The following LPA variants were observed in gnomAD, a reference collection of about 807,000 sequenced individuals.
LPA encodes the protein apolipoprotein(a).
A neutral mutation model predicts 197.9 loss-of-function variants in LPA; 199 were observed. That is an observed-to-expected ratio of 1.01 (90% CI 0.90 to 1.13). The LOEUF (loss-of-function observed/expected upper bound fraction) is 1.13, where lower values mean the gene tolerates loss of function less well. Ranked by LOEUF, LPA falls within the 50% of genes most tolerant of loss-of-function variation. The probability of loss-of-function intolerance (pLI) is 0.00; values close to 1 mark genes in which losing one functional copy is unlikely to be tolerated. For missense variants in LPA, 1,853 were observed against 1,785.8 expected, an observed-to-expected ratio of 1.04 and a Z score of -0.68; for synonymous variants, 715 against 639.5, an observed-to-expected ratio of 1.12 and a Z score of -1.78.
At chr6:160,578,784 A>T (rs1778735680) in intron 26 of LPA, 80 bp from the exon 27 acceptor site, 2 of 1,605,256 alleles carry the variant, frequency 1.2e-6, no homozygotes, top group African/African-American at 1.3e-5. Context: ...ATTTTGCTGT[A>T]ACAAAGTGTT....
chr6:160,559,840 T>C (rs758825175), intron 28 of LPA, among the ~76,000 whole-genome samples: 11 of 152,156 alleles, frequency 7.2e-5, no homozygotes, highest in Non-Finnish European at 1.3e-4. Context: ...GTGTAGAATG[T>C]GTGGGTTTGT....
At chr6:160,570,087 A>G (rs910118145) in intron 28 of LPA, among the ~76,000 whole-genome samples, 3 of 152,226 alleles carry the variant, frequency 2.0e-5, no homozygotes, top group African/African-American at 4.8e-5. Flanking sequence ...TGATTCCTCA[A>G]GGATTTAGAA....
intron 30 of LPA, among the ~76,000 whole-genome samples, chr6:160,549,645 A>G (rs1210265068): frequency 6.6e-6 from 1 of 152,186 alleles, no homozygotes. Flanking sequence ...TGTCAATACC[A>G]CTTCAGGTGG....
chr6:160,585,063 T>C lies in LPA; in HGVS notation c.4272A>G (p.Pro1424=). 6.2e-7 allele frequency: 1 copy of C among 1,613,780 alleles called. No individual in the cohort carries two copies. Among genetic ancestry groups the C allele is most frequent in the Non-Finnish European group, 8.5e-7 (1 of 1,179,740 alleles). Residue 1424 remains proline (P), a synonymous_variant, in exon 26 of 39, where the codon CCA becomes CCG. Coordinates refer to ENST00000316300, the MANE Select transcript of LPA (RefSeq NM_005577.4). ...AGACATACGCATTTGGATAGTATAATGGGATCCTCCGATGCCAATGTGGTG... is the reference window on the plus strand; with the variant it reads ...AGACATACGCATTTGGATAGTATAACGGGATCCTCCGATGCCAATGTGGTG... ...SMTPHWHRRI[P]LYYPNAGLTR...
chr6:160,596,833 A>G (rs1779142613), intron 20 of LPA, among the ~76,000 whole-genome samples: 1 of 152,164 alleles, frequency 6.6e-6, no homozygotes, highest in African/African-American at 2.4e-5. Flanking sequence ...AAATTATGTA[A>G]AAGCCTAAAG....
At chr6:160,553,780 G>A (rs765053939) in intron 30 of LPA, among the ~76,000 whole-genome samples, 3 of 152,088 alleles carry the variant, frequency 2.0e-5, no homozygotes, top group Non-Finnish European at 4.4e-5. Context: ...AGCCATCATT[G>A]CTTTGAGTAT....
Position 160,601,005 on chromosome 6 carries a change from G to T in LPA, c.3039C>A (p.Asn1013Lys), listed in dbSNP as rs777394889. 8.7e-6 allele frequency: 14 copies of T among 1,613,934 alleles called. No individual in the cohort carries two copies. Among genetic ancestry groups the T allele is most frequent in the Admixed American group, 1.7e-5 (1 of 60,002 alleles). ...ATTCTGCATCTGAGCATCGTGTCAG[G>T]TTGCAGTACTCCCACCTGACACTGG... Reference protein sequence around the residue: ...TDPSVRWEYCNLTRCSDAEWT... With the variant: ...TDPSVRWEYCKLTRCSDAEWT... The change falls in exon 19 of 39, where the codon AAC (asparagine) becomes AAA (lysine). Residue 1013 changes from asparagine (N) to lysine (K), a missense_variant. Coordinates refer to ENST00000316300, the MANE Select transcript of LPA (RefSeq NM_005577.4).
rs919211858 is a variant in LPA, at chr6:160,545,366, T to A, written c.5398+74A>T. ...AGCACTCAGCTCAAAAGCCATTTTCTGTTTTTTTTGCTTTTTTTTTTCCAA... is the reference window on the plus strand; with the variant it reads ...AGCACTCAGCTCAAAAGCCATTTTCAGTTTTTTTTGCTTTTTTTTTTCCAA... On this transcript the variant is annotated intron_variant, in intron 33 of 38. Transcript: ENST00000316300. The A allele has an allele frequency of 1.1e-4, 127 of 1,133,218 alleles. 2 individuals are homozygous for A. The highest frequency in any genetic ancestry group is 4.8e-4 in the East Asian group (20 of 41,778). The allele number at this position is 1,133,218 out of a possible 1,614,324, so 70.2% of individuals were successfully genotyped here.
intron 1 of LPA, among the ~76,000 whole-genome samples, chr6:160,661,768 G>A (rs761149624): frequency 2.6e-5 from 4 of 152,082 alleles, no homozygotes; most frequent in Non-Finnish European, 5.9e-5. Context: ...TCTTCACCCC[G>A]CACTGTTTCT....
chr6:160,567,384 C>T (rs553199135), intron 28 of LPA, among the ~76,000 whole-genome samples: 2 of 152,294 alleles, frequency 1.3e-5, no homozygotes, highest in Non-Finnish European at 2.9e-5. Context: ...CAACCTGCAC[C>T]TGAGTGACTA....
At chr6:160,550,382 G>A (rs565332371) in intron 30 of LPA, among the ~76,000 whole-genome samples, 5 of 152,178 alleles carry the variant, frequency 3.3e-5, no homozygotes, top group Admixed American at 6.5e-5. Context: ...ATTATGTACC[G>A]TGGGAATGCA....
chr6:160,564,742 C>T (rs1319440221), intron 28 of LPA, among the ~76,000 whole-genome samples: 1 of 152,174 alleles, frequency 6.6e-6, no homozygotes, highest in Non-Finnish European at 1.5e-5. Flanking sequence ...AATTCCCTTT[C>T]CTAGCCAAGG....
intron 17 of LPA, among the ~76,000 whole-genome samples, 192 bp from the exon 18 acceptor site, chr6:160,605,397 A>G: frequency 6.6e-6 from 1 of 152,214 alleles, no homozygotes; most frequent in Non-Finnish European, 1.5e-5. Context: ...AACAAACAAA[A>G]ACACCAAAGA....
chr6:160,587,756 T>TGTGA (rs1191120419), intron 24 of LPA, among the ~76,000 whole-genome samples: 5 of 76,306 alleles, frequency 6.6e-5, no homozygotes, highest in African/African-American at 3.0e-4. Context: ...AGTCTTTGTG[T>TGTGA]GTGTGTGTGT....
chr6:160,554,621 C>A (rs145364000), intron 30 of LPA, among the ~76,000 whole-genome samples: 2 of 152,224 alleles, frequency 1.3e-5, no homozygotes, highest in African/African-American at 4.8e-5. Flanking sequence ...CGGTATCCCC[C>A]AGTGCTACGT....
chr6:160,584,869 T>A (rs1054206319), intron 26 of LPA, among the ~76,000 whole-genome samples, 177 bp downstream of exon 26: 8 of 152,092 alleles, frequency 5.3e-5, no homozygotes, highest in Non-Finnish European at 1.0e-4. Flanking sequence ...AAGATAGCAA[T>A]CCTAAAACTT....
At chr6:160,609,107 G>T (rs1458167474) in intron 16 of LPA, among the ~76,000 whole-genome samples, 3 of 151,800 alleles carry the variant, frequency 2.0e-5, no homozygotes, top group Admixed American at 1.3e-4. Context: ...ATTTGAAATA[G>T]TTATCTTAGT....
At position 160,557,389 on chromosome 6, in the gene LPA, C is replaced by T. The variant is rs781207275; in HGVS notation, c.4813+1G>A. The T allele has an allele frequency of 6.2e-7, 1 of 1,611,356 alleles. No homozygotes were observed. The highest frequency in any genetic ancestry group is 2.2e-5 in the East Asian group (1 of 44,768). On this transcript the variant is annotated splice_donor_variant, in intron 29 of 38. Coordinates refer to ENST00000316300, the MANE Select transcript of LPA (RefSeq NM_005577.4). LOFTEE classifies it high-confidence loss of function. ...TAGATATCTGGCCACAGACTTCTTA[C>T]CTGCTTCAGAATGAGCCTCCATGCT...
rs545579141 is a variant in LPA, at chr6:160,568,360, T to G, written c.4631+8776A>C. ...TATGCAAATCAATAAATGTAATCCATCATATAAACAGAACCAAAGACAAAA... is the reference window on the plus strand; with the variant it reads ...TATGCAAATCAATAAATGTAATCCAGCATATAAACAGAACCAAAGACAAAA... On this transcript the variant is annotated intron_variant, in intron 28 of 38. Transcript: ENST00000316300. Among the ~76,000 whole-genome samples the G allele has an allele frequency of 9.2e-5, 14 of 152,258 alleles. No individual in the cohort carries two copies. In the South Asian group the frequency reaches 2.7e-3, roughly 29 times the overall value.
Sources: allele counts gnomAD v4.1 joint callset (sites outside exome capture counted in the v4.1 genomes callset), GRCh38; gene constraint gnomAD v4.1.1; transcripts MANE v1.5; gene names NCBI Gene and HGNC (gene_info 2026-07-23, HGNC 2026-07-21).